The following SEPTIN10 variants were observed in gnomAD, a reference collection of about 807,000 sequenced individuals.
SEPTIN10 encodes septin-10.
A neutral mutation model predicts 54.8 loss-of-function variants in SEPTIN10; 66 were observed. The ratio of observed to expected loss-of-function variants is 1.21; its 90% CI spans 0.99 to 1.48. The LOEUF (loss-of-function observed/expected upper bound fraction) is 1.48, where lower values mean the gene tolerates loss of function less well. SEPTIN10 is among the 40% of genes most tolerant of loss of function. The pLI is 0.00. For missense variants in SEPTIN10, 620 were observed against 545.6 expected (o/e 1.14, Z -1.36); for synonymous variants, 161 against 181.0 (o/e 0.89, Z 0.89).
intron 1 of SEPTIN10, chr2:109,605,556 G>A (rs2106263050): frequency 6.6e-6 from 1 of 152,172 alleles, no homozygotes; most frequent in African/African-American, 2.4e-5. Flanking sequence ...CTGACTAAAA[G>A]GTAGGTAAAT....
intron 1 of SEPTIN10, among the ~76,000 whole-genome samples, chr2:109,611,862 A>C (rs1699327093): frequency 6.6e-6 from 1 of 152,146 alleles, no homozygotes; most frequent in Non-Finnish European, 1.5e-5. Context: ...CAGAAACTGG[A>C]CCTCTCATAC....
intron 1 of SEPTIN10, among the ~76,000 whole-genome samples, chr2:109,598,568 C>A (rs1283372081): frequency 6.6e-6 from 1 of 151,862 alleles, no homozygotes; most frequent in African/African-American, 2.4e-5. Flanking sequence ...GGAGGCCGGG[C>A]GTGGTGGCTC....
At chr2:109,583,562 C>T (rs1691730440) in intron 4 of SEPTIN10, among the ~76,000 whole-genome samples, 2 of 152,292 alleles carry the variant, frequency 1.3e-5, no homozygotes, top group Non-Finnish European at 1.5e-5. Context: ...AATGCAGCCA[C>T]TGTGGAAAGC....
At chr2:109,552,898 G>T in intron 9 of SEPTIN10, 189 bp downstream of exon 9, 1 of 627,794 alleles carries the variant, frequency 1.6e-6, no homozygotes, top group Non-Finnish European at 2.6e-6. Context: ...AAAAAAAGAA[G>T]GCCAAAGTTT....
At chr2:109,610,095 G>GTTTTTTTTTTTT (rs554268137) in intron 1 of SEPTIN10, among the ~76,000 whole-genome samples, 6 of 143,432 alleles carry the variant, frequency 4.2e-5, no homozygotes, top group African/African-American at 1.6e-4. Context: ...TCCCTGAGGT[G>GTTTTTTTTTTTT]TTTTTTTTTT....
intron 2 of SEPTIN10, among the ~76,000 whole-genome samples, chr2:109,591,537 G>T (rs1176380600): frequency 6.6e-6 from 1 of 152,166 alleles, no homozygotes; most frequent in African/African-American, 2.4e-5. Context: ...TTGATATATG[G>T]AGAAAGAGGG....
chr2:109,611,466 T>G (rs957509545), intron 1 of SEPTIN10, among the ~76,000 whole-genome samples: 1 of 151,644 alleles, frequency 6.6e-6, no homozygotes, highest in Non-Finnish European at 1.5e-5. Context: ...CCTAAAAAAC[T>G]TTAAACCCAA....
intron 6 of SEPTIN10, among the ~76,000 whole-genome samples, chr2:109,566,825 A>AAGTT (rs770685592): frequency 2.6e-5 from 4 of 152,198 alleles, no homozygotes; most frequent in Admixed American, 1.3e-4. Context: ...GGTCTGTCTG[A>AAGTT]AGTTGAGGAT....
In SEPTIN10 at chr2:109,548,775, C is replaced by CAAAA. The variant is rs57096452; in HGVS notation, c.1162-2542_1162-2539dup. 6.1e-4 allele frequency among the ~76,000 whole-genome samples: 39 copies of CAAAA among 63,590 alleles called. 3 individuals carry two copies. Among genetic ancestry groups the CAAAA allele is most frequent in the Non-Finnish European group, 8.1e-4 (27 of 33,326 alleles). The allele number at this position is 63,590 out of a possible 152,430, so 41.7% of individuals were successfully genotyped here. A position where few individuals can be genotyped will look rare whatever the true frequency, so the allele number is the denominator to read the frequency against. On this transcript the variant is annotated intron_variant, in intron 9 of 10. Transcript: ENST00000397712. The stretch of plus-strand genomic sequence containing the variant: ...TGGGCCACAGAGTTAGGCTCCATCT[C>CAAAA]AAAAAAAAAAAAAAAAAAAAAAAAA...
chr2:109,604,218 C>T (rs990324137), intron 1 of SEPTIN10, among the ~76,000 whole-genome samples: 1 of 149,108 alleles, frequency 6.7e-6, no homozygotes, highest in Admixed American at 6.7e-5. Flanking sequence ...GTGGTGTGTG[C>T]CTGTAATCCC....
At chr2:109,546,483 A>G (rs1681280924) in intron 9 of SEPTIN10, among the ~76,000 whole-genome samples, 1 of 151,946 alleles carries the variant, frequency 6.6e-6, no homozygotes, top group Non-Finnish European at 1.5e-5. Flanking sequence ...TATTTTTAAA[A>G]CATTGTGAAC....
intron 8 of SEPTIN10, among the ~76,000 whole-genome samples, chr2:109,555,330 T>C (rs956869981): frequency 3.3e-5 from 5 of 152,202 alleles, no homozygotes; most frequent in Admixed American, 3.3e-4. Flanking sequence ...AACCTGTTCA[T>C]TGTTCCCAGA....
intron 4 of SEPTIN10, among the ~76,000 whole-genome samples, chr2:109,580,432 C>A (rs560868032): frequency 6.6e-6 from 1 of 150,696 alleles, no homozygotes; most frequent in African/African-American, 2.4e-5. Context: ...AAAGGAATTT[C>A]TTTATTTTAT....
chr2:109,609,522 A>C (rs985396457), intron 1 of SEPTIN10, among the ~76,000 whole-genome samples: 5 of 151,930 alleles, frequency 3.3e-5, no homozygotes, highest in Non-Finnish European at 7.4e-5. Context: ...TCTCTGGGAA[A>C]GCTTCAGAGG....
rs368911337 is a variant in SEPTIN10, at chr2:109,574,691, G to A, written c.490C>T (p.Leu164Phe). The A allele has an allele frequency of 4.3e-6, 7 of 1,610,006 alleles. No homozygotes were observed. The highest frequency in any genetic ancestry group is 4.5e-5 in the East Asian group (2 of 44,676). The change falls in exon 5 of 11, where the codon CTC becomes TTC. Residue 164 changes from leucine to phenylalanine, a missense_variant. Transcript: ENST00000397712. ...ATGCGAGAATCATGGTAGGTAAAGA[G>A]AGAACGCTTAATCTTCAGTTCTTCT... ...LQEELKIKRS[L>F]FTYHDSRIHV...
intron 1 of SEPTIN10, among the ~76,000 whole-genome samples, chr2:109,599,722 T>C (rs924026627): frequency 2.6e-5 from 4 of 152,192 alleles, no homozygotes; most frequent in African/African-American, 9.7e-5. Flanking sequence ...AAATTCTTGA[T>C]AGCAGTTCAT....
chr2:109,559,893 G>A (rs1685217817), intron 8 of SEPTIN10, among the ~76,000 whole-genome samples: 1 of 144,748 alleles, frequency 6.9e-6, no homozygotes, highest in African/African-American at 2.6e-5. Context: ...CCAGACCTAT[G>A]TAGCCTCCAA....
At chr2:109,602,506 T>A (rs1696824280) in intron 1 of SEPTIN10, among the ~76,000 whole-genome samples, 1 of 151,878 alleles carries the variant, frequency 6.6e-6, no homozygotes, top group African/African-American at 2.4e-5. Flanking sequence ...TGAAACCCCA[T>A]CTCTACTAAA....
intron 10 of SEPTIN10, chr2:109,544,542 G>A: frequency 1.0e-6 from 1 of 981,594 alleles, no homozygotes; most frequent in Non-Finnish European, 1.2e-6. Flanking sequence ...AACAACAGCA[G>A]GGTTCTCAAG....
Sources: allele counts gnomAD v4.1 joint callset (sites outside exome capture counted in the v4.1 genomes callset), GRCh38; gene constraint gnomAD v4.1.1; transcripts MANE v1.5; gene names NCBI Gene and HGNC (gene_info 2026-07-23, HGNC 2026-07-21).